Variants in PRDM11 observed in about 807,000 individuals in gnomAD.
PRDM11 encodes the protein PR/SET domain 11.
PRDM11 carries 20 observed loss-of-function variants against 97.8 expected under a neutral mutation model. The observed-to-expected ratio is 0.20, with a 90% confidence interval of 0.14 to 0.30. The LOEUF (loss-of-function observed/expected upper bound fraction) is 0.30. Among genes scored for constraint, PRDM11 ranks in the 10% least tolerant of loss-of-function variants. PRDM11 has a pLI of 1.00. For synonymous variants in PRDM11, 599 were observed against 637.7 expected (o/e 0.94, Z 0.91); for missense variants, 1,139 against 1,555.2 (o/e 0.73, Z 4.50).
rs1258349322 is a variant in PRDM11, at chr11:45,226,011, C to G, written c.1386C>G (p.Val462=). The change falls in exon 8 of 8, where the codon GTC becomes GTG. Residue 462 remains valine (V), a synonymous_variant. Transcript: ENST00000683152. ...FSDPAASESM[V]SGPAIMEDDD... ...GTTTTTCAGCCTCAGAAAGCATGGT[C>G]TCCGGCCCCGCCATCATGGAGGATG... 2.0e-6 allele frequency: 3 copies of G among 1,504,602 alleles called. No individual in the cohort carries two copies. Among genetic ancestry groups the G allele is most frequent in the Non-Finnish European group, 1.8e-6 (2 of 1,125,084 alleles). 93.2% of individuals were successfully genotyped at this position (1,504,602 alleles called of 1,614,324 possible).
chr11:45,186,011 C>A (rs945796243), intron 4 of PRDM11, among the ~76,000 whole-genome samples: 2 of 151,930 alleles, frequency 1.3e-5, no homozygotes, highest in Non-Finnish European at 2.9e-5. Context: ...TCAAGGGATG[C>A]AGGCAGCTTC....
intron 4 of PRDM11, among the ~76,000 whole-genome samples, chr11:45,187,225 G>A (rs1304085912): frequency 6.6e-6 from 1 of 152,150 alleles, no homozygotes; most frequent in African/African-American, 2.4e-5. Flanking sequence ...AGTAGGGAGA[G>A]GGGGATTGGT....
At chr11:45,115,251 A>G (rs546882417) in intron 1 of PRDM11, among the ~76,000 whole-genome samples, 3 of 152,168 alleles carry the variant, frequency 2.0e-5, no homozygotes, top group African/African-American at 7.2e-5. Flanking sequence ...TAAGGTAAGG[A>G]CTCATATTAA....
intron 3 of PRDM11, among the ~76,000 whole-genome samples, 193 bp downstream of exon 3, chr11:45,182,542 A>G (rs1852547125): frequency 6.6e-6 from 1 of 152,164 alleles, no homozygotes; most frequent in Non-Finnish European, 1.5e-5. Flanking sequence ...CAGATAGCAC[A>G]CTGAGTCTTG....
rs1280090599 is a variant in PRDM11, at chr11:45,226,355, T to C, written c.1730T>C (p.Met577Thr). 2.6e-6 allele frequency: 4 copies of C among 1,533,870 alleles called. No homozygotes were observed. Among genetic ancestry groups the C allele is most frequent in the Non-Finnish European group, 3.5e-6 (4 of 1,146,762 alleles). ...TGCCTGCAACTGTACAAGCTCCGCA[T>C]GCACCCGGAGAAGACAGAGGAGATG... ...KKCLQLYKLR[M>T]HPEKTEEMCR... is the part of the protein sequence containing the mutation. The change falls in exon 8 of 8, where the codon ATG becomes ACG. Residue 577 changes from methionine to threonine, a missense_variant. Physicochemically the swap from Met to Thr is moderately conservative, Grantham distance 81. Around this residue, in one of 2 missense-constraint regions of PRDM11, gnomAD observed 710 missense variants for 1,044.9 expected, o/e 0.68. Transcript: ENST00000683152.
In PRDM11 at chr11:45,203,106, G is replaced by T. The variant is rs1205812883; in HGVS notation, c.487-1605G>T. Among the ~76,000 whole-genome samples, 3 of 152,184 alleles carry T rather than the reference G, an allele frequency of 2.0e-5. No homozygotes were observed. In the East Asian group the frequency reaches 5.8e-4, roughly 29 times the overall value. On this transcript the variant is annotated intron_variant, in intron 4 of 7. Transcript: ENST00000683152. ...GCTTCTCTGCTGCTTTGAAGAGAAC[G>T]ATGGAGGCTTATGAATGGCACTAGG... is the stretch of plus-strand genomic sequence containing the variant.
intron 1 of PRDM11, among the ~76,000 whole-genome samples, chr11:45,169,593 A>G (rs924459497): frequency 1.3e-5 from 2 of 152,256 alleles, no homozygotes; most frequent in African/African-American, 2.4e-5. Context: ...AATTTTTGCA[A>G]TCAGACCTTG....
At chr11:45,159,926 G>A (rs1006848970) in intron 1 of PRDM11, among the ~76,000 whole-genome samples, 2 of 152,208 alleles carry the variant, frequency 1.3e-5, no homozygotes, top group Admixed American at 1.3e-4. Flanking sequence ...GAGTCACTGG[G>A]GGAAGATGGC....
intron 1 of PRDM11, among the ~76,000 whole-genome samples, chr11:45,168,555 C>T (rs558184975): frequency 7.9e-5 from 12 of 152,140 alleles, no homozygotes; most frequent in Non-Finnish European, 1.6e-4. Context: ...GTCTCACTTT[C>T]CTTGTCTAGA....
rs2135867176 is a variant in PRDM11, at chr11:45,230,843, T to A, written c.*2684T>A. On this transcript the variant is annotated 3_prime_UTR_variant, in exon 8 of 8. Transcript: ENST00000683152. ...AGCTACTCTTTTTCCTCTCAAGAGA[T>A]CATGGCCAAAATGAGCTAAAATCTT... 1 of 152,330 alleles carries A rather than the reference T, an allele frequency of 6.6e-6. No homozygotes were observed. The highest frequency in any genetic ancestry group is 1.9e-4 in the East Asian group (1 of 5,174). 9.4% of individuals were successfully genotyped at this position (152,330 alleles called of 1,614,324 possible). A position where few individuals can be genotyped will look rare whatever the true frequency, so the allele number is the denominator to read the frequency against.
chr11:45,180,701 GGGCCGGGCC>G (rs903298858), intron 1 of PRDM11, among the ~76,000 whole-genome samples: 1 of 149,778 alleles, frequency 6.7e-6, no homozygotes, highest in Admixed American at 6.6e-5. Flanking sequence ...AGGGCCGGGC[GGGCCGGGCC>G]GGGCAGGGAG....
rs1390870393 is a variant in PRDM11 at position 45,146,788 on chromosome 11, G to A, written c.-96G>A. ...CGCGGCCGCTCCCTCCGCGGGGGCC[G>A]CCAGCCGAGGCCGCGCCGCCTCCGC... On this transcript the variant is annotated 5_prime_UTR_variant, in exon 1 of 8. Coordinates refer to ENST00000683152, the MANE Select transcript of PRDM11 (RefSeq NM_001384648.1). 1.4e-5 allele frequency: 2 copies of A among 144,960 alleles called. No homozygotes were observed. Among genetic ancestry groups the A allele is most frequent in the Non-Finnish European group, 3.1e-5 (2 of 65,016 alleles). 9.0% of individuals were successfully genotyped at this position (144,960 alleles called of 1,614,324 possible).
intron 1 of PRDM11, among the ~76,000 whole-genome samples, chr11:45,135,396 C>A (rs1852819951): frequency 1.3e-5 from 2 of 151,990 alleles, no homozygotes; most frequent in South Asian, 4.2e-4. Flanking sequence ...TCTTGTCTAC[C>A]AAAAAAGTCC....
At chr11:45,169,531 C>T (rs1293563015) in intron 1 of PRDM11, among the ~76,000 whole-genome samples, 1 of 152,222 alleles carries the variant, frequency 6.6e-6, no homozygotes, top group Non-Finnish European at 1.5e-5. Context: ...TCATAACAGC[C>T]TTACCAAGTA....
At chr11:45,157,691 T>A (rs530383305) in intron 1 of PRDM11, among the ~76,000 whole-genome samples, 1 of 152,312 alleles carries the variant, frequency 6.6e-6, no homozygotes, top group African/African-American at 2.4e-5. Flanking sequence ...CAGGCAGCCC[T>A]CGGGTGTGAG....
At chr11:45,201,510 T>C (rs1323738774) in intron 4 of PRDM11, among the ~76,000 whole-genome samples, 1 of 152,134 alleles carries the variant, frequency 6.6e-6, no homozygotes, top group African/African-American at 2.4e-5. Flanking sequence ...TCTTTTCTTT[T>C]AGAAACAGGA....
intron 1 of PRDM11, among the ~76,000 whole-genome samples, chr11:45,122,996 C>A (rs1852474812): frequency 6.6e-6 from 1 of 152,110 alleles, no homozygotes; most frequent in Non-Finnish European, 1.5e-5. Context: ...ACTTCCTCTC[C>A]AGCACCTGTT....
At chr11:45,121,056 T>C (rs1670128884) in intron 1 of PRDM11, among the ~76,000 whole-genome samples, 2 of 151,930 alleles carry the variant, frequency 1.3e-5, no homozygotes, top group African/African-American at 4.8e-5. Flanking sequence ...CTAACAGAAG[T>C]GACAAAAATA....
intron 1 of PRDM11, among the ~76,000 whole-genome samples, chr11:45,139,568 CAAAAAAAA>C (rs10594529): frequency 6.6e-5 from 6 of 91,424 alleles, no homozygotes; most frequent in East Asian, 6.7e-4. Flanking sequence ...CTCCAACTCA[CAAAAAAAA>C]AAAAAAAAAA....
Sources: gnomAD v4.1 joint callset for allele counts (sites outside exome capture counted in the v4.1 genomes callset) on GRCh38, gnomAD v4.1.1 for gene constraint, gnomAD v4.1.1 regional missense constraint, MANE v1.5 for transcripts, NCBI Gene and HGNC (gene_info 2026-07-23, HGNC 2026-07-21) for gene names.